GPC5: variants seen among roughly 807,000 people sequenced by gnomAD.
GPC5 encodes the protein glypican-5.
A neutral mutation model predicts 53.9 loss-of-function variants in GPC5; 47 were observed. The ratio of observed to expected loss-of-function variants is 0.87; its 90% confidence interval spans 0.69 to 1.11. The LOEUF (loss-of-function observed/expected upper bound fraction) is 1.11. Among genes scored for constraint, GPC5 ranks in the 50% most tolerant of loss-of-function variants. The pLI, the probability that GPC5 is intolerant of heterozygous loss-of-function variation, is 0.00. For missense variants in GPC5, 748 were observed against 713.1 expected, an observed-to-expected ratio of 1.05 and a Z score of -0.56; for synonymous variants, 286 against 263.3, an observed-to-expected ratio of 1.09 and a Z score of -0.84.
chr13:92,155,082 C>A (rs1014229992), intron 7 of GPC5, among the ~76,000 whole-genome samples: 1 of 152,150 alleles, frequency 6.6e-6, no homozygotes. Context: ...CTATATAATG[C>A]TCACTATTTG....
chr13:92,224,189 CTG>C (rs2042468366), intron 7 of GPC5, among the ~76,000 whole-genome samples: 1 of 152,086 alleles, frequency 6.6e-6, no homozygotes, highest in South Asian at 2.1e-4. Context: ...CAAAAGTAAA[CTG>C]AATGTACTAG....
chr13:91,491,250 C>G (rs1883928934), intron 2 of GPC5, among the ~76,000 whole-genome samples: 1 of 152,162 alleles, frequency 6.6e-6, no homozygotes, highest in Admixed American at 6.5e-5. Flanking sequence ...CCAATTCCTA[C>G]TTCATATTAT....
chr13:91,668,921 A>C (rs971447663), intron 2 of GPC5, among the ~76,000 whole-genome samples: 2 of 152,216 alleles, frequency 1.3e-5, no homozygotes, highest in Non-Finnish European at 2.9e-5. Context: ...ATTTTTATAA[A>C]GTGAAAATAG....
At chr13:91,644,155 A>G (rs1271666292) in intron 2 of GPC5, among the ~76,000 whole-genome samples, 1 of 152,144 alleles carries the variant, frequency 6.6e-6, no homozygotes, top group South Asian at 2.1e-4. Flanking sequence ...CTCACATTAT[A>G]TTTCTATAGT....
At chr13:91,853,405 G>C (rs1324924481) in intron 5 of GPC5, among the ~76,000 whole-genome samples, 3 of 151,898 alleles carry the variant, frequency 2.0e-5, no homozygotes, top group Non-Finnish European at 2.9e-5. Flanking sequence ...AAAGAAGCAT[G>C]AGAAATTAAG....
chr13:92,530,549 C>A (rs1881526026), intron 7 of GPC5, among the ~76,000 whole-genome samples: 1 of 152,058 alleles, frequency 6.6e-6, no homozygotes, highest in African/African-American at 2.4e-5. Context: ...GGTTAGAACT[C>A]CCTCCTGTGG....
chr13:91,936,126 G>T (rs2039868852), intron 6 of GPC5, among the ~76,000 whole-genome samples: 1 of 152,032 alleles, frequency 6.6e-6, no homozygotes, highest in South Asian at 2.1e-4. Context: ...ACTAGGATAA[G>T]CAAACTGTTA....
At chr13:92,613,262 T>G (rs1884502013) in intron 7 of GPC5, among the ~76,000 whole-genome samples, 1 of 126,468 alleles carries the variant, frequency 7.9e-6, no homozygotes, top group African/African-American at 3.0e-5. Flanking sequence ...ATATATAATA[T>G]ATATATAAAT....
intron 2 of GPC5, among the ~76,000 whole-genome samples, chr13:91,451,899 A>G (rs1315608932): frequency 6.6e-6 from 1 of 151,870 alleles, no homozygotes; most frequent in Non-Finnish European, 1.5e-5. Flanking sequence ...TACAGGTGTG[A>G]GCCACCATGC....
intron 7 of GPC5, among the ~76,000 whole-genome samples, chr13:92,832,879 G>C (rs1292646306): frequency 1.3e-5 from 2 of 152,068 alleles, no homozygotes; most frequent in Non-Finnish European, 2.9e-5. Context: ...ATGGTAGCAG[G>C]TGCCTATAAT....
chr13:92,232,139 CTAGT>C lies in GPC5; in HGVS notation c.1561+87153_1561+87156del, dbSNP rs1328723016. On this transcript the variant is annotated intron_variant, in intron 7 of 7. Transcript: ENST00000377067. ...GTACTGGTTTACCTTTGATAACTTC[CTAGT>C]TAATTATAGAAATAAAAATAATAAA... Among the ~76,000 whole-genome samples, 3 of 152,024 alleles carry C rather than the reference CTAGT, an allele frequency of 2.0e-5. No homozygotes were observed. The East Asian group carries it at 5.8e-4, about 29-fold the overall frequency.
At chr13:91,819,328 T>G (rs2038453887) in intron 5 of GPC5, among the ~76,000 whole-genome samples, 1 of 151,738 alleles carries the variant, frequency 6.6e-6, no homozygotes, top group Admixed American at 6.6e-5. Context: ...CCCAGCTAAT[T>G]TTTTGTATGT....
At chr13:92,815,974 C>T (rs566149571) in intron 7 of GPC5, among the ~76,000 whole-genome samples, 14 of 151,854 alleles carry the variant, frequency 9.2e-5, no homozygotes, top group East Asian at 5.8e-4. Flanking sequence ...GTTGAATAAA[C>T]GGTGGGAAAT....
At chr13:92,715,284 G>A (rs1341776317) in intron 7 of GPC5, among the ~76,000 whole-genome samples, 1 of 152,098 alleles carries the variant, frequency 6.6e-6, no homozygotes, top group Non-Finnish European at 1.5e-5. Context: ...GACCCTAGAA[G>A]TACTATTTAT....
At chr13:92,522,575 A>T (rs955699673) in intron 7 of GPC5, among the ~76,000 whole-genome samples, 1 of 152,108 alleles carries the variant, frequency 6.6e-6, no homozygotes, top group Non-Finnish European at 1.5e-5. Flanking sequence ...CCATGAGAAC[A>T]CTTGGACACA....
chr13:91,431,130 A>G (rs1267256542), intron 1 of GPC5, among the ~76,000 whole-genome samples: 1 of 152,080 alleles, frequency 6.6e-6, no homozygotes, highest in Non-Finnish European at 1.5e-5. Flanking sequence ...CCTCTTGCCT[A>G]GGCCTCCCAA....
intron 3 of GPC5, among the ~76,000 whole-genome samples, chr13:91,698,662 A>T (rs2035933065): frequency 6.6e-6 from 1 of 152,210 alleles, no homozygotes; most frequent in Non-Finnish European, 1.5e-5. Context: ...CAGTCTCCAA[A>T]GTAACCTAAT....
chr13:92,320,513 T>C (rs1221956599), intron 7 of GPC5, among the ~76,000 whole-genome samples: 1 of 152,182 alleles, frequency 6.6e-6, no homozygotes, highest in Non-Finnish European at 1.5e-5. Flanking sequence ...CTTTGCTTTG[T>C]TTAAAAGGCC....
chr13:92,420,596 GTATTT>G (rs1228738672), intron 7 of GPC5, among the ~76,000 whole-genome samples: 1 of 151,674 alleles, frequency 6.6e-6, no homozygotes. Context: ...CTTTCAAACT[GTATTT>G]TTTGTATCCA....
Sources: gnomAD v4.1 joint callset for allele counts (sites outside exome capture counted in the v4.1 genomes callset) on GRCh38, gnomAD v4.1.1 for gene constraint, MANE v1.5 for transcripts, NCBI Gene and HGNC (gene_info 2026-07-23, HGNC 2026-07-21) for gene names.